The following USP46 variants were observed in gnomAD, a reference collection of about 807,000 sequenced individuals.
USP46 encodes the protein ubiquitin carboxyl-terminal hydrolase 46.
A neutral mutation model predicts 44.4 loss-of-function variants in USP46; 12 were observed. The observed-to-expected ratio is 0.27, with a 90% CI of 0.17 to 0.44. The LOEUF (loss-of-function observed/expected upper bound fraction) is 0.44, where lower values mean the gene tolerates loss of function less well. Among genes scored for constraint, USP46 ranks in the 20% least tolerant of loss-of-function variants. USP46 has a pLI of 1.00. For missense variants in USP46, 248 were observed against 444.8 expected (o/e 0.56, Z 3.98); for synonymous variants, 155 against 161.5 (o/e 0.96, Z 0.31).
chr4:52,593,162 G>A lies in USP46; in HGVS notation c.*4478C>T, dbSNP rs1716094056. ...CATTTTTTTAGTAAAGGTATTTTAA[G>A]TATCAATAAAAAGAGAGGAAAGGAA... On this transcript the variant is annotated 3_prime_UTR_variant, in exon 9 of 9. Transcript: ENST00000441222. 1 of 385,438 alleles carries A rather than the reference G, an allele frequency of 2.6e-6. No homozygotes were observed. Among genetic ancestry groups the A allele is most frequent in the East Asian group, 3.7e-5 (1 of 27,196 alleles). 23.9% of individuals were successfully genotyped at this position (385,438 alleles called of 1,614,324 possible). A position where few individuals can be genotyped will look rare whatever the true frequency, so the allele number is the denominator to read the frequency against.
intron 1 of USP46, among the ~76,000 whole-genome samples, chr4:52,643,479 G>A (rs977018279): frequency 2.0e-5 from 3 of 152,228 alleles, no homozygotes; most frequent in African/African-American, 7.2e-5. Context: ...TTGCGTAGCT[G>A]TGATAGAGAC....
At chr4:52,657,651 C>T (rs1045415662) in intron 1 of USP46, among the ~76,000 whole-genome samples, 1 of 152,146 alleles carries the variant, frequency 6.6e-6, no homozygotes, top group African/African-American at 2.4e-5. Flanking sequence ...ACAAGCAGCC[C>T]CTCCACAGGA....
intron 1 of USP46, among the ~76,000 whole-genome samples, chr4:52,632,349 CCCATGTTCAGT>C (rs1717861718): frequency 1.3e-5 from 2 of 152,116 alleles, no homozygotes; most frequent in Non-Finnish European, 2.9e-5. Context: ...GGAAAAGTGA[CCCATGTTCAGT>C]CCAATAAGGT....
At chr4:52,598,768 C>T in intron 7 of USP46, 62 bp from the exon 8 acceptor site, 1 of 1,467,620 alleles carries the variant, frequency 6.8e-7, no homozygotes, top group Non-Finnish European at 9.3e-7. Flanking sequence ...TAAAACTCTA[C>T]TTAGCTCTTT....
At chr4:52,603,241 C>T (rs1220817129) in intron 6 of USP46, among the ~76,000 whole-genome samples, 1 of 152,214 alleles carries the variant, frequency 6.6e-6, no homozygotes, top group Non-Finnish European at 1.5e-5. Flanking sequence ...GACCCCAGGC[C>T]AGCCTTAGGC....
intron 7 of USP46, among the ~76,000 whole-genome samples, 167 bp downstream of exon 7, chr4:52,601,690 G>A (rs1406534107): frequency 6.6e-6 from 1 of 152,118 alleles, no homozygotes; most frequent in African/African-American, 2.4e-5. Context: ...TTTATTTTAT[G>A]TGCCTGCAGG....
intron 7 of USP46, among the ~76,000 whole-genome samples, chr4:52,601,552 T>A (rs1716472682): frequency 6.6e-6 from 1 of 152,232 alleles, no homozygotes; most frequent in Non-Finnish European, 1.5e-5. Context: ...AAAATTAAAA[T>A]CATAGCATAG....
intron 2 of USP46, 132 bp downstream of exon 2, chr4:52,630,932 A>G (rs1022858396): frequency 4.1e-5 from 30 of 729,014 alleles, no homozygotes; most frequent in Middle Eastern, 3.7e-4. Flanking sequence ...TTTCTCCCCA[A>G]TATTGGCATT....
intron 1 of USP46, among the ~76,000 whole-genome samples, chr4:52,641,223 G>C (rs946885091): frequency 6.6e-6 from 1 of 152,096 alleles, no homozygotes; most frequent in African/African-American, 2.4e-5. Flanking sequence ...ACCGATCTTG[G>C]GGGGTAAATC....
chr4:52,604,623 A>C (rs751274892), intron 5 of USP46, 39 bp from the exon 6 acceptor site: 6 of 1,415,690 alleles, frequency 4.2e-6, no homozygotes, highest in Non-Finnish European at 4.9e-6. Context: ...AAAATGTCCA[A>C]ATCTACTTGG....
intron 4 of USP46, among the ~76,000 whole-genome samples, chr4:52,621,611 G>A (rs1175675773): frequency 2.0e-5 from 3 of 151,992 alleles, no homozygotes; most frequent in African/African-American, 2.4e-5. Flanking sequence ...AGCCAAGATC[G>A]TGTTACTACA....
intron 4 of USP46, among the ~76,000 whole-genome samples, chr4:52,620,532 T>C (rs1717338185): frequency 6.6e-6 from 1 of 152,166 alleles, no homozygotes; most frequent in Admixed American, 6.5e-5. Context: ...CTTCAGGCTT[T>C]TACATAGCAA....
At chr4:52,654,136 A>G (rs1471211032) in intron 1 of USP46, among the ~76,000 whole-genome samples, 2 of 152,252 alleles carry the variant, frequency 1.3e-5, no homozygotes, top group Non-Finnish European at 2.9e-5. Context: ...AAACCTCTGC[A>G]TATGAGACCA....
chr4:52,615,353 G>C (rs992787654), intron 4 of USP46, among the ~76,000 whole-genome samples: 1 of 152,060 alleles, frequency 6.6e-6, no homozygotes. Context: ...CATACTATGC[G>C]AAGAGTTAGC....
intron 4 of USP46, among the ~76,000 whole-genome samples, chr4:52,622,585 C>G (rs148459051): frequency 2.4e-4 from 36 of 152,296 alleles, no homozygotes; most frequent in African/African-American, 8.4e-4. Flanking sequence ...GACACTATCC[C>G]TGTCCTCATC....
chr4:52,638,809 G>A (rs893064378), intron 1 of USP46, among the ~76,000 whole-genome samples: 3 of 151,912 alleles, frequency 2.0e-5, no homozygotes, highest in Admixed American at 2.0e-4. Flanking sequence ...GGGATGGGTA[G>A]GGCTGTCTGG....
chr4:52,629,907 G>A (rs1304643525), intron 2 of USP46, among the ~76,000 whole-genome samples: 10 of 152,094 alleles, frequency 6.6e-5, no homozygotes, highest in Non-Finnish European at 8.8e-5. Context: ...AATTCAAACC[G>A]AGGTCTGTAT....
chr4:52,631,527 G>A (rs1198648861), intron 1 of USP46, among the ~76,000 whole-genome samples: 1 of 152,140 alleles, frequency 6.6e-6, no homozygotes, highest in Non-Finnish European at 1.5e-5. Flanking sequence ...CACTATCAAA[G>A]TCAATGTATT....
In USP46 at chr4:52,596,526, CT is replaced by C. The variant is rs950942885; in HGVS notation, c.*1113del. The C allele has an allele frequency of 2.6e-4, 40 of 152,386 alleles. No homozygotes were observed. Among genetic ancestry groups the C allele is most frequent in the African/African-American group, 9.6e-4 (40 of 41,574 alleles). 9.4% of individuals were successfully genotyped at this position (152,386 alleles called of 1,614,324 possible). ...AGCGCCATTTTGTTCATTCCTCCCC[CT>C]GCCCACGGACACTTCCTTTGAGCCA... On this transcript the variant is annotated 3_prime_UTR_variant, in exon 9 of 9. Coordinates refer to ENST00000441222, the MANE Select transcript of USP46 (RefSeq NM_022832.4).
Sources: allele counts gnomAD v4.1 joint callset (sites outside exome capture counted in the v4.1 genomes callset), GRCh38; gene constraint gnomAD v4.1.1; transcripts MANE v1.5; gene names NCBI Gene and HGNC (gene_info 2026-07-23, HGNC 2026-07-21).